Variants in MIS18A observed in about 807,000 individuals in gnomAD.
MIS18A encodes the protein MIS18 kinetochore protein A, also known as protein Mis18-alpha.
A neutral mutation model predicts 25.0 loss-of-function variants in MIS18A; 14 were observed. The observed-to-expected ratio is 0.56, with a 90% CI of 0.37 to 0.88. The LOEUF is 0.88. MIS18A is among the 40% of genes least tolerant of loss of function. MIS18A has a pLI of 0.00. For synonymous variants in MIS18A, 134 were observed against 118.6 expected (o/e 1.13, Z -0.84); for missense variants, 292 against 290.8 (o/e 1.00, Z -0.03).
At chr21:32,159,605 T>C in the MIS18A span, among the ~76,000 whole-genome samples, 89,792 of 152,076 alleles carry the variant, frequency 0.59, 28,371 homozygotes, top group African/African-American at 0.83. Flanking sequence ...GTGACACAGC[T>C]CTCAGCGGGG....
the MIS18A span, among the ~76,000 whole-genome samples, chr21:32,159,580 GA>G: frequency 9.9e-5 from 15 of 152,208 alleles, no homozygotes; most frequent in African/African-American, 3.4e-4. Context: ...AGCCAAATAT[GA>G]ATGACCATGA....
intron 1 of MIS18A, among the ~76,000 whole-genome samples, chr21:32,277,633 C>T (rs536274795): frequency 6.6e-6 from 1 of 151,956 alleles, no homozygotes; most frequent in East Asian, 1.9e-4. Context: ...TTTATTTTGG[C>T]GAGGCTGATC....
chr21:32,207,361 G>A, the MIS18A span, among the ~76,000 whole-genome samples: 1 of 152,178 alleles, frequency 6.6e-6, no homozygotes, highest in African/African-American at 2.4e-5. Flanking sequence ...AAGGGCAGAT[G>A]TTTTTTACAT....
chr21:32,238,275 T>C, the MIS18A span, among the ~76,000 whole-genome samples: 1 of 152,214 alleles, frequency 6.6e-6, no homozygotes, highest in Admixed American at 6.5e-5. Flanking sequence ...TAGGTTGTGC[T>C]GCAGTGACAA....
the MIS18A span, among the ~76,000 whole-genome samples, chr21:32,160,429 G>A: frequency 6.6e-6 from 1 of 151,944 alleles, no homozygotes; most frequent in African/African-American, 2.4e-5. Flanking sequence ...AGTTTAGTTT[G>A]CCAAGATTGA....
chr21:32,276,925 A>C (rs866021482), intron 1 of MIS18A, among the ~76,000 whole-genome samples: 4 of 152,164 alleles, frequency 2.6e-5, no homozygotes, highest in Non-Finnish European at 5.9e-5. Context: ...AGGGCTGTTA[A>C]CCCACTATAA....
At chr21:32,183,926 C>A in the MIS18A span, among the ~76,000 whole-genome samples, 19 of 152,310 alleles carry the variant, frequency 1.2e-4, 1 homozygote, top group South Asian at 3.7e-3. Flanking sequence ...AGCACACACA[C>A]GATCTGTTGA....
At chr21:32,223,506 C>T in the MIS18A span, among the ~76,000 whole-genome samples, 2 of 152,154 alleles carry the variant, frequency 1.3e-5, no homozygotes, top group African/African-American at 4.8e-5. Context: ...AACACATCTA[C>T]ACAAATAAAC....
At chr21:32,249,225 C>A in the MIS18A span, among the ~76,000 whole-genome samples, 2 of 152,162 alleles carry the variant, frequency 1.3e-5, no homozygotes, top group Non-Finnish European at 2.9e-5. Flanking sequence ...AATGAGAGAG[C>A]AATGCGTTAT....
At chr21:32,228,948 T>C in the MIS18A span, among the ~76,000 whole-genome samples, 1 of 152,238 alleles carries the variant, frequency 6.6e-6, no homozygotes, top group South Asian at 2.1e-4. Context: ...CACCTATATA[T>C]GCTTCTAGTT....
At chr21:32,257,712 A>G in the MIS18A span, among the ~76,000 whole-genome samples, 1 of 152,208 alleles carries the variant, frequency 6.6e-6, no homozygotes, top group East Asian at 1.9e-4. Context: ...TGGGAGATGG[A>G]CGCCAGGGAT....
At chr21:32,165,432 TAAA>T in the MIS18A span, among the ~76,000 whole-genome samples, 2 of 141,500 alleles carry the variant, frequency 1.4e-5, no homozygotes, top group Non-Finnish European at 1.5e-5. Flanking sequence ...TAACATGATC[TAAA>T]AAAAAAAAAA....
the MIS18A span, among the ~76,000 whole-genome samples, chr21:32,193,871 C>T: frequency 4.6e-5 from 7 of 152,148 alleles, no homozygotes; most frequent in African/African-American, 9.7e-5. Context: ...AGCATTGGCT[C>T]TACTGGTATT....
chr21:32,238,191 T>C, the MIS18A span, among the ~76,000 whole-genome samples: 2 of 152,188 alleles, frequency 1.3e-5, no homozygotes, highest in Admixed American at 1.3e-4. Flanking sequence ...ACTTTGCCCA[T>C]GCCTAGCCGC....
chr21:32,213,394 T>TA, the MIS18A span, among the ~76,000 whole-genome samples: 1 of 152,114 alleles, frequency 6.6e-6, no homozygotes, highest in African/African-American at 2.4e-5. Flanking sequence ...TAATATAAAG[T>TA]AAAAAAAGAA....
At chr21:32,266,327 C>G (rs537146896), downstream of MIS18A, among the ~76,000 whole-genome samples, 5 of 152,202 alleles carry the variant, frequency 3.3e-5, no homozygotes, top group South Asian at 2.1e-4. Flanking sequence ...ACAGGCCACT[C>G]GGCTCTACCA....
chr21:32,172,334 C>T, the MIS18A span, among the ~76,000 whole-genome samples: 3 of 152,006 alleles, frequency 2.0e-5, no homozygotes, highest in South Asian at 2.1e-4. Flanking sequence ...TAGAGATATC[C>T]GTGCTTCCGT....
At chr21:32,272,843 G>C (rs1285570403) in intron 2 of MIS18A, among the ~76,000 whole-genome samples, 2 of 152,180 alleles carry the variant, frequency 1.3e-5, no homozygotes, top group Non-Finnish European at 2.9e-5. Context: ...AAAATGGCTA[G>C]AGCTAGAGCT....
At chr21:32,218,378 T>A in the MIS18A span, among the ~76,000 whole-genome samples, 2 of 152,130 alleles carry the variant, frequency 1.3e-5, no homozygotes, top group Non-Finnish European at 2.9e-5. Context: ...GTAGTAAGTA[T>A]GAAAGACAGA....
Sources: allele counts gnomAD v4.1 joint callset (sites outside exome capture counted in the v4.1 genomes callset), GRCh38; gene constraint gnomAD v4.1.1; transcripts MANE v1.5; gene names NCBI Gene and HGNC (gene_info 2026-07-23, HGNC 2026-07-21).